The following PPP3CB variants were observed in gnomAD, a reference collection of about 807,000 sequenced individuals.
PPP3CB encodes the protein protein phosphatase 3 catalytic subunit beta, also known as serine/threonine-protein phosphatase 2B catalytic subunit beta isoform.
PPP3CB carries 8 observed loss-of-function variants against 66.4 expected under a neutral mutation model. The observed-to-expected ratio is 0.12, with a 90% CI of 0.07 to 0.22. PPP3CB has a LOEUF of 0.22. Among genes scored for constraint, PPP3CB ranks in the 10% least tolerant of loss-of-function variants. The pLI, the probability that PPP3CB is intolerant of heterozygous loss-of-function variation, is 1.00. For synonymous variants in PPP3CB, 208 were observed against 221.2 expected, an observed-to-expected ratio of 0.94 and a Z score of 0.53; for missense variants, 319 against 642.5, an observed-to-expected ratio of 0.50 and a Z score of 5.44.
chr10:73,490,112 C>G (rs961508388), intron 1 of PPP3CB, among the ~76,000 whole-genome samples: 1 of 152,168 alleles, frequency 6.6e-6, no homozygotes, highest in African/African-American at 2.4e-5. Context: ...AGCACAATGC[C>G]TGGTACAAAG....
Position 73,438,165 on chromosome 10 carries a change from T to G in PPP3CB, c.*77A>C. The G allele has an allele frequency of 1.4e-6, 2 of 1,403,290 alleles. No homozygotes were observed. The highest frequency in any genetic ancestry group is 2.4e-5 in the East Asian group (1 of 42,154). 86.9% of individuals were successfully genotyped at this position (1,403,290 alleles called of 1,614,324 possible). On this transcript the variant is annotated 3_prime_UTR_variant, in exon 14 of 14. Transcript: ENST00000360663. ...AGAGACTGTGAAATTTACAGTCAGC[T>G]TGGCCGACCCCTCCAGCTCCTCGGG...
intron 1 of PPP3CB, among the ~76,000 whole-genome samples, chr10:73,493,557 G>C (rs1341648158): frequency 2.6e-5 from 4 of 152,136 alleles, no homozygotes; most frequent in Non-Finnish European, 5.9e-5. Context: ...GTGAATTTCT[G>C]GATCTGTAAG....
intron 11 of PPP3CB, among the ~76,000 whole-genome samples, chr10:73,445,995 C>T (rs777294560): frequency 8.7e-4 from 133 of 152,120 alleles, no homozygotes; most frequent in Non-Finnish European, 1.4e-3. Context: ...GATCCACCTG[C>T]CTTGGCCTCC....
chr10:73,457,981 G>A (rs1387936011), intron 9 of PPP3CB, among the ~76,000 whole-genome samples: 1 of 152,140 alleles, frequency 6.6e-6, no homozygotes, highest in African/African-American at 2.4e-5. Context: ...GGGTAGAGAG[G>A]TGGGAGAGGT....
chr10:73,488,052 G>T (rs899851146), intron 1 of PPP3CB, among the ~76,000 whole-genome samples: 1 of 151,778 alleles, frequency 6.6e-6, no homozygotes, highest in Non-Finnish European at 1.5e-5. Flanking sequence ...AAGTGCTGGG[G>T]TTAGGGTCAG....
At chr10:73,440,620 C>T (rs1589679828) in intron 12 of PPP3CB, among the ~76,000 whole-genome samples, 1 of 152,264 alleles carries the variant, frequency 6.6e-6, no homozygotes, top group Non-Finnish European at 1.5e-5. Flanking sequence ...CCTACAGATA[C>T]TAACATCTAT....
chr10:73,454,582 T>G, intron 9 of PPP3CB, 93 bp from the exon 10 acceptor site: 1 of 784,580 alleles, frequency 1.3e-6, no homozygotes, highest in East Asian at 2.8e-5. Context: ...TCAAATAATG[T>G]TTAGCCCAAG....
chr10:73,438,522 A>G (rs1425426245), intron 13 of PPP3CB, 102 bp from the exon 14 acceptor site: 2 of 973,162 alleles, frequency 2.1e-6, no homozygotes, highest in African/African-American at 3.3e-5. Flanking sequence ...TAGTAGCTGT[A>G]AGTAGCAACA....
At chr10:73,471,969 A>C (rs1194628546) in intron 4 of PPP3CB, among the ~76,000 whole-genome samples, 1 of 152,226 alleles carries the variant, frequency 6.6e-6, no homozygotes, top group African/African-American at 2.4e-5. Flanking sequence ...TCACAGAAGT[A>C]AATACCACAG....
chr10:73,495,742 C>T (rs981488685), intron 1 of PPP3CB, 63 bp downstream of exon 1: 1 of 1,529,110 alleles, frequency 6.5e-7, no homozygotes, highest in Non-Finnish European at 8.8e-7. Context: ...GACGGTCTCC[C>T]GCCCGCCCTC....
Position 73,446,473 on chromosome 10 carries a change from C to G in PPP3CB, c.1268+19G>C. 6.3e-7 allele frequency: 1 copy of G among 1,597,760 alleles called. No individual in the cohort carries two copies. Among genetic ancestry groups the G allele is most frequent in the Non-Finnish European group, 8.6e-7 (1 of 1,165,604 alleles). The stretch of plus-strand genomic sequence containing the variant: ...ACGTAATTTCTGCAAAACAAATAAT[C>G]AAGAAAATATATCATTACCTGAGAA... On this transcript the variant is annotated intron_variant, in intron 11 of 13. Transcript: ENST00000360663.
At chr10:73,475,177 A>T in intron 3 of PPP3CB, 147 bp from the exon 4 acceptor site, 1 of 1,145,828 alleles carries the variant, frequency 8.7e-7, no homozygotes, top group Non-Finnish European at 1.1e-6. Flanking sequence ...ACAAAATCAC[A>T]GATTTTGTCA....
intron 9 of PPP3CB, among the ~76,000 whole-genome samples, chr10:73,455,125 C>T (rs938623908): frequency 1.3e-5 from 2 of 152,074 alleles, no homozygotes; most frequent in African/African-American, 4.8e-5. Flanking sequence ...CCTCATGATC[C>T]ACCCGCCTTG....
At chr10:73,484,595 T>A (rs1314050290) in intron 1 of PPP3CB, among the ~76,000 whole-genome samples, 2 of 152,096 alleles carry the variant, frequency 1.3e-5, no homozygotes, top group Non-Finnish European at 2.9e-5. Context: ...CCAGAGTTTT[T>A]TTTTTTGCCT....
intron 8 of PPP3CB, 74 bp from the exon 9 acceptor site, chr10:73,467,752 A>G (rs922850099): frequency 1.3e-5 from 18 of 1,368,238 alleles, no homozygotes; most frequent in Admixed American, 7.4e-5. Context: ...AATATAAAAT[A>G]CATAAAAGCA....
chr10:73,477,966 T>A (rs181251772), intron 3 of PPP3CB, among the ~76,000 whole-genome samples: 102 of 152,188 alleles, frequency 6.7e-4, no homozygotes, highest in African/African-American at 2.4e-3. Context: ...AACCATCTAC[T>A]GTTAAGTGAT....
intron 4 of PPP3CB, among the ~76,000 whole-genome samples, 200 bp downstream of exon 4, chr10:73,474,719 C>T (rs1046846988): frequency 6.6e-6 from 1 of 152,056 alleles, no homozygotes; most frequent in African/African-American, 2.4e-5. Flanking sequence ...GGATTACAGG[C>T]GTGAACCACC....
In PPP3CB at chr10:73,479,471, A is replaced by G. The variant is rs754558261; in HGVS notation, c.132T>C (p.Phe44=). 6.8e-6 allele frequency: 11 copies of G among 1,614,100 alleles called. No homozygotes were observed. In the South Asian group the frequency reaches 1.2e-4, roughly 18 times the overall value. The change falls in exon 2 of 14, where the codon TTT becomes TTC. Residue 44 remains phenylalanine (F), a synonymous_variant. Coordinates refer to ENST00000360663, the MANE Select transcript of PPP3CB (RefSeq NM_021132.4). ...CAACCCTGGGTATCCCATCCAAATC[A>G]AATACTTCTTCAGATGTCAAGCGAT... The part of the protein sequence containing the change: ...PTHRLTSEEV[F]DLDGIPRVDV...
intron 10 of PPP3CB, among the ~76,000 whole-genome samples, chr10:73,449,844 G>A (rs1387011479): frequency 6.6e-6 from 1 of 151,702 alleles, no homozygotes; most frequent in Non-Finnish European, 1.5e-5. Context: ...CAACCAGGCT[G>A]GAGTGCAATG....
Sources: allele counts gnomAD v4.1 joint callset (sites outside exome capture counted in the v4.1 genomes callset), GRCh38; gene constraint gnomAD v4.1.1; transcripts MANE v1.5; gene names NCBI Gene and HGNC (gene_info 2026-07-23, HGNC 2026-07-21).